RRAGD: variants seen among roughly 807,000 people sequenced by gnomAD.
RRAGD encodes the protein ras-related GTP-binding protein D.
In RRAGD, 12 loss-of-function variants were observed where a neutral mutation model predicts 35.5. That is an observed-to-expected ratio of 0.34 (90% CI 0.22 to 0.55). The LOEUF is 0.55. Among genes scored for constraint, RRAGD ranks in the 20% least tolerant of loss-of-function variants. The probability of loss-of-function intolerance (pLI) is 0.91; values close to 1 mark genes in which losing one functional copy is unlikely to be tolerated. For synonymous variants in RRAGD, 155 were observed against 178.9 expected (o/e 0.87, Z 1.07); for missense variants, 324 against 490.1 (o/e 0.66, Z 3.20).
intron 5 of RRAGD, among the ~76,000 whole-genome samples, chr6:89,375,455 G>A (rs917858626): frequency 1.3e-5 from 2 of 151,856 alleles, no homozygotes; most frequent in African/African-American, 4.8e-5. Flanking sequence ...GTGTGCATGT[G>A]TGTGTGCATA....
At chr6:89,376,316 T>G (rs919010600) in intron 5 of RRAGD, among the ~76,000 whole-genome samples, 3 of 151,562 alleles carry the variant, frequency 2.0e-5, no homozygotes, top group African/African-American at 7.3e-5. Flanking sequence ...TGTGTGTGTG[T>G]GTGTGTGTGT....
In RRAGD at chr6:89,403,579, T is replaced by TAC. The variant is rs545557749; in HGVS notation, c.148+8265_148+8266dup. Among the ~76,000 whole-genome samples the TAC allele has an allele frequency of 2.8e-3, 422 of 151,732 alleles. 1 individual carries two copies. Among genetic ancestry groups the TAC allele is most frequent in the African/African-American group, 9.4e-3 (391 of 41,428 alleles). On this transcript the variant is annotated intron_variant, in intron 1 of 6. Coordinates refer to ENST00000369415, the MANE Select transcript of RRAGD (RefSeq NM_021244.5). ...TGTTCTTTATCTGGGGATATATATA[T>TAC]ACATATGGCCATGGATGATAATAGA...
chr6:89,373,038 G>C (rs1768879064), intron 5 of RRAGD, among the ~76,000 whole-genome samples: 1 of 152,210 alleles, frequency 6.6e-6, no homozygotes, highest in East Asian at 1.9e-4. Context: ...TGCTATAAAA[G>C]ATAGAATTGG....
intron 1 of RRAGD, among the ~76,000 whole-genome samples, chr6:89,398,410 G>A (rs1023535867): frequency 6.6e-6 from 1 of 152,222 alleles, no homozygotes; most frequent in Non-Finnish European, 1.5e-5. Context: ...TAGTTGCTCT[G>A]CTATCACATC....
intron 1 of RRAGD, among the ~76,000 whole-genome samples, chr6:89,404,016 C>A (rs1230498986): frequency 1.9e-4 from 29 of 152,092 alleles, no homozygotes; most frequent in Non-Finnish European, 4.4e-5. Flanking sequence ...GGCCTTTTGC[C>A]ATTTTTCCCA....
rs1768870909 is a variant in RRAGD at position 89,372,473 on chromosome 6, C to T, written c.1015G>A (p.Val339Ile). 1.2e-6 allele frequency: 2 copies of T among 1,613,502 alleles called. No individual in the cohort carries two copies. Among genetic ancestry groups the T allele is most frequent in the Non-Finnish European group, 1.7e-6 (2 of 1,179,874 alleles). ...AAGCTTTCCTCTCTGACAAAGCAAA[C>T]GAGAGCCAGGAACTTTGTCACCTCT... ...LKEVTKFLALVCFVREESFER... is the reference protein window; with the variant it reads ...LKEVTKFLALICFVREESFER... Residue 339 changes from valine to isoleucine, a missense_variant, in exon 6 of 7, where the codon GTT becomes ATT. Transcript: ENST00000369415.
Position 89,365,670 on chromosome 6 carries a change from T to C in RRAGD, c.*2386A>G, listed in dbSNP as rs149251513. On this transcript the variant is annotated 3_prime_UTR_variant, in exon 7 of 7. Coordinates refer to ENST00000369415, the MANE Select transcript of RRAGD (RefSeq NM_021244.5). ...TACTACCATGAACTTGGGCCCTATGTCATAGAATTATTTTTGCCTTTCCCC... is the reference window on the plus strand; with the variant it reads ...TACTACCATGAACTTGGGCCCTATGCCATAGAATTATTTTTGCCTTTCCCC... The C allele has an allele frequency of 4.3e-4, 66 of 152,344 alleles. No individual in the cohort carries two copies. Among genetic ancestry groups the C allele is most frequent in the African/African-American group, 1.5e-3 (63 of 41,580 alleles). 9.4% of individuals were successfully genotyped at this position (152,344 alleles called of 1,614,324 possible). A position where few individuals can be genotyped will look rare whatever the true frequency, so the allele number is the denominator to read the frequency against.
intron 1 of RRAGD, among the ~76,000 whole-genome samples, chr6:89,404,258 TAAAAC>T (rs1321809826): frequency 6.6e-6 from 1 of 152,184 alleles, no homozygotes; most frequent in East Asian, 1.9e-4. Flanking sequence ...AAATTGTTGT[TAAAAC>T]AAACTGAGGC....
intron 1 of RRAGD, among the ~76,000 whole-genome samples, chr6:89,395,205 G>C (rs1038545604): frequency 3.3e-5 from 5 of 152,214 alleles, no homozygotes; most frequent in Admixed American, 6.5e-5. Context: ...GCTGCAGTGA[G>C]CCATGATTGT....
chr6:89,410,237 G>C (rs1413046309), intron 1 of RRAGD, among the ~76,000 whole-genome samples: 1 of 152,124 alleles, frequency 6.6e-6, no homozygotes, highest in African/African-American at 2.4e-5. Context: ...TCAAATTACA[G>C]GGCTTTCCCT....
In RRAGD at chr6:89,367,706, A is replaced by G. The variant is rs1454330689; in HGVS notation, c.*350T>C. 5.4e-6 allele frequency: 1 copy of G among 185,002 alleles called. No homozygotes were observed. The highest frequency in any genetic ancestry group is 1.1e-5 in the Non-Finnish European group (1 of 90,084). The allele number at this position is 185,002 out of a possible 1,614,324, so 11.5% of individuals were successfully genotyped here. A position where few individuals can be genotyped will look rare whatever the true frequency, so the allele number is the denominator to read the frequency against. Reference sequence around the variant, plus strand: ...ACCAAGTACAGAAAAAAAGCTTAGAAAAGTCGTTTTATCAAAGTTCAGTTC... The same window carrying G: ...ACCAAGTACAGAAAAAAAGCTTAGAGAAGTCGTTTTATCAAAGTTCAGTTC... On this transcript the variant is annotated 3_prime_UTR_variant, in exon 7 of 7. Transcript: ENST00000369415.
At chr6:89,374,656 G>A (rs898452156) in intron 5 of RRAGD, among the ~76,000 whole-genome samples, 5 of 152,080 alleles carry the variant, frequency 3.3e-5, no homozygotes, top group African/African-American at 4.8e-5. Context: ...CTTGAACCCG[G>A]GAGGCGGGGG....
At position 89,370,680 on chromosome 6, in the gene RRAGD, T is replaced by C. The variant is rs1380281798; in HGVS notation, c.1051+1757A>G. 2.0e-5 allele frequency among the ~76,000 whole-genome samples: 3 copies of C among 152,144 alleles called. No individual in the cohort carries two copies. The South Asian group carries it at 6.2e-4, about 31-fold the overall frequency. Reference sequence around the variant, plus strand: ...CATTAAAATCTAGAAACAACATAGATGTCTGAAAATAGAAGAATCTAATAC... The same window carrying C: ...CATTAAAATCTAGAAACAACATAGACGTCTGAAAATAGAAGAATCTAATAC... On this transcript the variant is annotated intron_variant, in intron 6 of 6. Coordinates refer to ENST00000369415, the MANE Select transcript of RRAGD (RefSeq NM_021244.5).
At chr6:89,402,038 A>AT (rs71556520) in intron 1 of RRAGD, among the ~76,000 whole-genome samples, 3,068 of 78,438 alleles carry the variant, frequency 0.039, 191 homozygotes, top group Admixed American at 0.087. Flanking sequence ...AATCCTAAGG[A>AT]TTTTTTTTTT....
At position 89,411,925 on chromosome 6, in the gene RRAGD, ATCC is replaced by A. The variant is rs760147769; in HGVS notation, c.66_68del (p.Glu22del). On this transcript the variant is annotated inframe_deletion, in exon 1 of 7. Coordinates refer to ENST00000369415, the MANE Select transcript of RRAGD (RefSeq NM_021244.5). This position sits in a 1 kb window ranked among gnomAD's most constrained non-coding sequence, Gnocchi z 5.6. ...CGTAGTCCGCTAGCCCCACCAGCTC[ATCC>A]TCCTCCTCCTCCTCCTCCGCGTCGT... The A allele has an allele frequency of 9.3e-4, 1,395 of 1,498,998 alleles. 1 individual carries two copies. Among genetic ancestry groups the A allele is most frequent in the Middle Eastern group, 2.4e-3 (14 of 5,812 alleles). 92.9% of individuals were successfully genotyped at this position (1,498,998 alleles called of 1,614,324 possible). A position where few individuals can be genotyped will look rare whatever the true frequency, so the allele number is the denominator to read the frequency against.
rs1768715761 is a variant in RRAGD at position 89,365,072 on chromosome 6, G to C, written c.*2984C>G. On this transcript the variant is annotated 3_prime_UTR_variant, in exon 7 of 7. Transcript: ENST00000369415. ...TTTTCCAGAGTATATTTCAAACAGAGTTGGCATATAACCCGTATGTAACAA... is the reference window on the plus strand; with the variant it reads ...TTTTCCAGAGTATATTTCAAACAGACTTGGCATATAACCCGTATGTAACAA... 6.6e-6 allele frequency: 1 copy of C among 152,206 alleles called. No individual in the cohort carries two copies. The highest frequency in any genetic ancestry group is 1.5e-5 in the Non-Finnish European group (1 of 68,028). 9.4% of individuals were successfully genotyped at this position (152,206 alleles called of 1,614,324 possible). A position where few individuals can be genotyped will look rare whatever the true frequency, so the allele number is the denominator to read the frequency against.
intron 6 of RRAGD, among the ~76,000 whole-genome samples, chr6:89,368,484 A>C (rs1035035121): frequency 6.6e-6 from 1 of 152,240 alleles, no homozygotes; most frequent in Admixed American, 6.5e-5. Context: ...AAAGATTTAA[A>C]GAACGACTGA....
At chr6:89,368,244 T>G in intron 6 of RRAGD, 37 bp from the exon 7 acceptor site, 2 of 1,590,100 alleles carry the variant, frequency 1.3e-6, no homozygotes, top group South Asian at 2.2e-5. Context: ...AAATGTCACG[T>G]AGAAATAATC....
rs988603886 is a variant in RRAGD at position 89,411,111 on chromosome 6, G to A, written c.148+735C>T. ...GAACGATTGCTAAAACCCGCTTCTA[G>A]AACAGGAAAAAGAGTTTGCTTCACT... On this transcript the variant is annotated intron_variant, in intron 1 of 6. Transcript: ENST00000369415. The surrounding 1 kb of genome is among the most constrained non-coding windows in gnomAD (Gnocchi z 5.6). Among the ~76,000 whole-genome samples, 1 of 152,240 alleles carries A rather than the reference G, an allele frequency of 6.6e-6. No individual in the cohort carries two copies. The highest frequency in any genetic ancestry group is 1.5e-5 in the Non-Finnish European group (1 of 68,054).
Sources: gnomAD v4.1 joint callset for allele counts (sites outside exome capture counted in the v4.1 genomes callset) on GRCh38, gnomAD v4.1.1 for gene constraint, Gnocchi (gnomAD v3.1) non-coding constraint, MANE v1.5 for transcripts, NCBI Gene and HGNC (gene_info 2026-07-23, HGNC 2026-07-21) for gene names.